The following AXDND1 variants were observed in gnomAD, a reference collection of about 807,000 sequenced individuals.
AXDND1 encodes the protein axonemal dynein light chain domain containing 1.
AXDND1 carries 110 observed loss-of-function variants against 137.5 expected under a neutral mutation model. The observed-to-expected ratio is 0.80, with a 90% CI of 0.69 to 0.94. The LOEUF (loss-of-function observed/expected upper bound fraction) is 0.94. Ranked by LOEUF, AXDND1 falls within the 40% of genes least tolerant of loss-of-function variation. The pLI is 0.00. For synonymous variants in AXDND1, 414 were observed against 399.7 expected (o/e 1.04, Z -0.43); for missense variants, 1,191 against 1,169.8 (o/e 1.02, Z -0.26).
chr1:179,411,110 A>G, intron 11 of AXDND1, 36 bp from the exon 12 acceptor site: 1 of 1,472,698 alleles, frequency 6.8e-7, no homozygotes, highest in Non-Finnish European at 9.2e-7. Flanking sequence ...TTGTTAGTAT[A>G]AATTAAATGA....
Position 179,547,740 on chromosome 1 carries a change from A to G in AXDND1, c.3032-6772A>G, listed in dbSNP as rs559113541. ...AAACACTTTTGAAAGTCTGAAGATT[A>G]AGAGTTTCCATGATCTGTCTTGCCA... On this transcript the variant is annotated intron_variant, in intron 25 of 25. Coordinates refer to ENST00000367618, the MANE Select transcript of AXDND1 (RefSeq NM_144696.6). 6.8e-4 allele frequency among the ~76,000 whole-genome samples: 104 copies of G among 152,278 alleles called. 1 individual carries two copies. The highest frequency in any genetic ancestry group is 1.9e-3 in the African/African-American group (79 of 41,560).
intron 9 of AXDND1, among the ~76,000 whole-genome samples, chr1:179,387,188 C>A (rs12729623): frequency 2.6e-5 from 4 of 151,870 alleles, no homozygotes; most frequent in African/African-American, 9.7e-5. Flanking sequence ...CTTAGTCTGC[C>A]TTGTGCTGCT....
intron 12 of AXDND1, among the ~76,000 whole-genome samples, chr1:179,411,807 A>G (rs915005276): frequency 1.4e-4 from 22 of 151,870 alleles, no homozygotes; most frequent in African/African-American, 4.8e-4. Context: ...TCTTCATACA[A>G]GGTGACCATA....
intron 25 of AXDND1, chr1:179,546,299 TG>T (rs1472308765): frequency 8.6e-6 from 1 of 116,908 alleles, no homozygotes; most frequent in African/African-American, 3.3e-5. Flanking sequence ...ACATAATGAG[TG>T]TTAGGTGGTT....
chr1:179,384,773 T>C (rs549421761), intron 8 of AXDND1, among the ~76,000 whole-genome samples: 1 of 152,184 alleles, frequency 6.6e-6, no homozygotes, highest in South Asian at 2.1e-4. Context: ...ACCAATTTTT[T>C]TTTTTTTTTT....
At chr1:179,409,339 A>G (rs906858103) in intron 11 of AXDND1, among the ~76,000 whole-genome samples, 6 of 151,950 alleles carry the variant, frequency 3.9e-5, no homozygotes, top group Non-Finnish European at 5.9e-5. Context: ...CAATTCTAGG[A>G]GTTTTTTGGT....
chr1:179,429,644 T>TG lies in AXDND1; in HGVS notation c.1332+28dup, dbSNP rs775030272. On this transcript the variant is annotated intron_variant, in intron 13 of 25. Transcript: ENST00000367618. ...GGTAAAGGTCAATTATCTTCAGTTA[T>TG]GGGAAAAAAAGATGCCAAGTGGTGA... is the stretch of plus-strand genomic sequence containing the variant. 4 of 1,438,850 alleles carry TG rather than the reference T, an allele frequency of 2.8e-6. No homozygotes were observed. In the South Asian group the frequency reaches 5.4e-5, roughly 20 times the overall value. The allele number at this position is 1,438,850 out of a possible 1,614,324, so 89.1% of individuals were successfully genotyped here.
Position 179,509,308 on chromosome 1 carries a change from G to A in AXDND1, c.2401G>A (p.Glu801Lys). Residue 801 changes from glutamate (E) to lysine (K), a missense_variant, in exon 21 of 26, where the codon GAA becomes AAA. Physicochemically the swap from Glu to Lys is moderately conservative, Grantham distance 56. Coordinates refer to ENST00000367618, the MANE Select transcript of AXDND1 (RefSeq NM_144696.6). Reference protein sequence around the residue: ...EVDKLKKECYEWINTCSCLLS... With the variant: ...EVDKLKKECYKWINTCSCLLS... ...TATCTCTTCTCAGAAAGAATGTTAT[G>A]AATGGATCAACACATGCTCTTGCCT... The A allele has an allele frequency of 6.2e-7, 1 of 1,607,758 alleles. No individual in the cohort carries two copies. Among genetic ancestry groups the A allele is most frequent in the Non-Finnish European group, 8.5e-7 (1 of 1,175,638 alleles).
chr1:179,416,324 T>C (rs1654701636), intron 12 of AXDND1, among the ~76,000 whole-genome samples: 1 of 152,250 alleles, frequency 6.6e-6, no homozygotes, highest in Non-Finnish European at 1.5e-5. Context: ...TGTGTTTTCA[T>C]TATTCATTCG....
chr1:179,518,374 TTTTCC>T (rs1669740290), intron 21 of AXDND1, among the ~76,000 whole-genome samples: 1 of 134,188 alleles, frequency 7.5e-6, no homozygotes, highest in Non-Finnish European at 1.7e-5. Context: ...TTATGATACA[TTTTCC>T]TTTTTCTTTT....
intron 18 of AXDND1, among the ~76,000 whole-genome samples, chr1:179,486,220 G>A (rs1007757024): frequency 2.0e-5 from 3 of 150,980 alleles, no homozygotes; most frequent in African/African-American, 7.3e-5. Flanking sequence ...ACCAAGCTGA[G>A]GAAAAAAATC....
chr1:179,505,357 G>T (rs1668434418), intron 20 of AXDND1, among the ~76,000 whole-genome samples: 1 of 152,158 alleles, frequency 6.6e-6, no homozygotes, highest in South Asian at 2.1e-4. Context: ...ACAGGGTTCA[G>T]AACTGAGGAT....
intron 17 of AXDND1, among the ~76,000 whole-genome samples, chr1:179,471,968 C>T (rs563881320): frequency 5.5e-4 from 84 of 151,910 alleles, no homozygotes; most frequent in Non-Finnish European, 1.1e-3. Context: ...GACCTCAGCT[C>T]ACTGCAACCT....
At chr1:179,466,674 A>G (rs527574158) in intron 16 of AXDND1, among the ~76,000 whole-genome samples, 81 of 152,196 alleles carry the variant, frequency 5.3e-4, no homozygotes, top group African/African-American at 1.9e-3. Flanking sequence ...TGGTTCTCCT[A>G]TAGTTCTATT....
chr1:179,368,079 AATAAAC>A (rs112514029), intron 2 of AXDND1, among the ~76,000 whole-genome samples: 17,792 of 152,050 alleles, frequency 0.12, 1,702 homozygotes, highest in African/African-American at 0.26. Context: ...TCCTTATAGA[AATAAAC>A]ATAAACCATA....
intron 10 of AXDND1, 138 bp downstream of exon 10, chr1:179,394,181 A>T: frequency 1.1e-6 from 1 of 875,396 alleles, no homozygotes; most frequent in East Asian, 2.8e-5. Context: ...CAAGAGAACA[A>T]AAAGAACTAG....
intron 18 of AXDND1, among the ~76,000 whole-genome samples, chr1:179,489,736 C>T (rs1240669630): frequency 7.8e-6 from 1 of 127,544 alleles, no homozygotes; most frequent in Non-Finnish European, 1.6e-5. Flanking sequence ...TAGGCTACTA[C>T]TTTTCTTTTT....
intron 25 of AXDND1, among the ~76,000 whole-genome samples, chr1:179,546,520 C>A (rs1009801321): frequency 6.6e-6 from 1 of 152,088 alleles, no homozygotes; most frequent in Admixed American, 6.5e-5. Context: ...CACTGGCAGT[C>A]AGGCTGCCGA....
intron 11 of AXDND1, among the ~76,000 whole-genome samples, chr1:179,405,473 C>A (rs1652812830): frequency 1.3e-5 from 2 of 152,148 alleles, no homozygotes; most frequent in African/African-American, 4.8e-5. Context: ...ATTTCTGGTT[C>A]CAGATCCTTG....
Sources: gnomAD v4.1 joint callset for allele counts (sites outside exome capture counted in the v4.1 genomes callset) on GRCh38, gnomAD v4.1.1 for gene constraint, MANE v1.5 for transcripts, NCBI Gene and HGNC (gene_info 2026-07-23, HGNC 2026-07-21) for gene names.